The following ABCD2 variants were observed in gnomAD, a reference collection of about 807,000 sequenced individuals.
ABCD2 encodes the protein ATP-binding cassette sub-family D member 2.
ABCD2 carries 36 observed loss-of-function variants against 70.9 expected under a neutral mutation model. That is an observed-to-expected ratio of 0.51 (90% confidence interval 0.39 to 0.67). The LOEUF (loss-of-function observed/expected upper bound fraction) is 0.67. Ranked by LOEUF, ABCD2 falls within the 30% of genes least tolerant of loss-of-function variation. The pLI is 0.00. For synonymous variants in ABCD2, 304 were observed against 306.9 expected, an observed-to-expected ratio of 0.99 and a Z score of 0.10; for missense variants, 729 against 890.2, an observed-to-expected ratio of 0.82 and a Z score of 2.30.
At chr12:39,592,077 T>C (rs1335197982) in intron 6 of ABCD2, among the ~76,000 whole-genome samples, 1 of 152,180 alleles carries the variant, frequency 6.6e-6, no homozygotes, top group Non-Finnish European at 1.5e-5. Flanking sequence ...AAAACTGAAC[T>C]GTACCAACTA....
chr12:39,578,405 C>T (rs1053870018), intron 8 of ABCD2, among the ~76,000 whole-genome samples: 1 of 144,442 alleles, frequency 6.9e-6, no homozygotes, highest in Non-Finnish European at 1.5e-5. Context: ...ACCCGGGAGG[C>T]GGAGCTTGCA....
At chr12:39,576,044 TA>T (rs1419594385) in intron 8 of ABCD2, among the ~76,000 whole-genome samples, 1 of 152,240 alleles carries the variant, frequency 6.6e-6, no homozygotes, top group African/African-American at 2.4e-5. Context: ...TCCACCATAT[TA>T]CATTTCTATG....
chr12:39,564,436 A>C (rs1941310461), intron 9 of ABCD2, among the ~76,000 whole-genome samples: 1 of 152,154 alleles, frequency 6.6e-6, no homozygotes, highest in African/African-American at 2.4e-5. Context: ...TCTTTTGAGA[A>C]GTGTCTGTTC....
Position 39,619,545 on chromosome 12 carries a change from G to A in ABCD2, c.71C>T (p.Ala24Val). ...WTRSSAAKRAACLVAAAYALK... is the reference protein window; with the variant it reads ...WTRSSAAKRAVCLVAAAYALK... The stretch of plus-strand genomic sequence containing the variant: ...AGCATATGCCGCAGCCACCAGGCAG[G>A]CAGCCCTCTTAGCAGCACTCGATCT... Residue 24 changes from alanine to valine, a missense_variant, in exon 1 of 10, where the codon GCC becomes GTC. Coordinates refer to ENST00000308666, the MANE Select transcript of ABCD2 (RefSeq NM_005164.4). The A allele has an allele frequency of 1.2e-6, 2 of 1,611,554 alleles. No individual in the cohort carries two copies. Among genetic ancestry groups the A allele is most frequent in the Middle Eastern group, 1.6e-4 (1 of 6,062 alleles).
At chr12:39,534,900 GAAAGAAAGAA>G in the ABCD2 span, among the ~76,000 whole-genome samples, 3 of 59,658 alleles carry the variant, frequency 5.0e-5, no homozygotes, top group Admixed American at 2.9e-4. Context: ...AAGAAAGAAA[GAAAGAAAGAA>G]AGAAAGAAAG....
intron 9 of ABCD2, among the ~76,000 whole-genome samples, chr12:39,573,219 T>C (rs1397527017): frequency 1.3e-5 from 2 of 152,102 alleles, no homozygotes; most frequent in Admixed American, 6.5e-5. Context: ...TATGGTTTTA[T>C]GAGATATTAG....
At chr12:39,617,903 T>C (rs964620792) in intron 1 of ABCD2, among the ~76,000 whole-genome samples, 1 of 152,322 alleles carries the variant, frequency 6.6e-6, no homozygotes, top group East Asian at 1.9e-4. Flanking sequence ...GTTACCTTCA[T>C]GCACTGTTAG....
intron 9 of ABCD2, among the ~76,000 whole-genome samples, chr12:39,560,658 A>C (rs1941242918): frequency 6.6e-6 from 1 of 152,162 alleles, no homozygotes; most frequent in Non-Finnish European, 1.5e-5. Flanking sequence ...ACATATATAC[A>C]ATATAAAAAG....
chr12:39,600,748 T>C, intron 5 of ABCD2, 32 bp from the exon 6 acceptor site: 1 of 1,546,698 alleles, frequency 6.5e-7, no homozygotes, highest in Non-Finnish European at 8.8e-7. Flanking sequence ...CAAACTGCAA[T>C]AGTTTAAAAT....
intron 8 of ABCD2, among the ~76,000 whole-genome samples, chr12:39,576,088 A>G (rs1397585743): frequency 2.0e-5 from 3 of 152,222 alleles, no homozygotes; most frequent in Non-Finnish European, 4.4e-5. Context: ...CTTATGGCCT[A>G]GACCCAAACA....
chr12:39,572,277 A>T (rs984800071), intron 9 of ABCD2, among the ~76,000 whole-genome samples: 1 of 152,192 alleles, frequency 6.6e-6, no homozygotes, highest in Non-Finnish European at 1.5e-5. Context: ...CATGTGATTA[A>T]TTTGGGAGAA....
rs1942166801 is a variant in ABCD2 at position 39,619,561 on chromosome 12, C to T, written c.55G>A (p.Ala19Thr). 2 of 1,611,286 alleles carry T rather than the reference C, an allele frequency of 1.2e-6. No individual in the cohort carries two copies. Among genetic ancestry groups the T allele is most frequent in the East Asian group, 4.5e-5 (2 of 44,864 alleles). ...ADRVKWTRSS[A>T]AKRAACLVAA... ...ACCAGGCAGGCAGCCCTCTTAGCAGCACTCGATCTGGTCCATTTCACTCGA... is the reference window on the plus strand; with the variant it reads ...ACCAGGCAGGCAGCCCTCTTAGCAGTACTCGATCTGGTCCATTTCACTCGA... The change falls in exon 1 of 10, where the codon GCT becomes ACT. Residue 19 changes from alanine to threonine, a missense_variant. Transcript: ENST00000308666.
chr12:39,535,061 C>A, the ABCD2 span, among the ~76,000 whole-genome samples: 1 of 152,150 alleles, frequency 6.6e-6, no homozygotes, highest in Admixed American at 6.5e-5. Context: ...TCCTTTCTGT[C>A]CTTCCTGGCC....
In ABCD2 at chr12:39,573,833, T is replaced by C; in HGVS notation, c.1886A>G (p.Tyr629Cys). The change falls in exon 9 of 10, where the codon TAT becomes TGT. Residue 629 changes from tyrosine to cysteine, a missense_variant. Transcript: ENST00000308666. ...ACTGGTACATTCATCCAGCAAGGCA[T>C]ATTTTGGTCTTTTAAAAAGTACACA... ...MARMFYHKPK[Y>C]ALLDECTSAV... The C allele has an allele frequency of 6.2e-7, 1 of 1,609,402 alleles. No homozygotes were observed. Among genetic ancestry groups the C allele is most frequent in the Non-Finnish European group, 8.5e-7 (1 of 1,178,004 alleles).
intron 9 of ABCD2, among the ~76,000 whole-genome samples, chr12:39,563,396 C>A (rs1941290408): frequency 6.6e-6 from 1 of 150,818 alleles, no homozygotes; most frequent in Non-Finnish European, 1.5e-5. Flanking sequence ...TGACTCTAAA[C>A]AAACAAACAA....
At chr12:39,588,116 GA>G (rs1941690976) in intron 6 of ABCD2, among the ~76,000 whole-genome samples, 1 of 152,098 alleles carries the variant, frequency 6.6e-6, no homozygotes, top group South Asian at 2.1e-4. Context: ...GGGAAGGCAA[GA>G]GAAAAACTAA....
At chr12:39,563,113 C>G (rs768793616) in intron 9 of ABCD2, among the ~76,000 whole-genome samples, 5 of 152,160 alleles carry the variant, frequency 3.3e-5, no homozygotes, top group Non-Finnish European at 5.9e-5. Context: ...ATTGAACATC[C>G]TTTTATGCTA....
intron 1 of ABCD2, 66 bp downstream of exon 1, chr12:39,618,611 A>G: frequency 1.4e-6 from 2 of 1,430,114 alleles, no homozygotes; most frequent in East Asian, 2.3e-5. Context: ...AACAGATGGT[A>G]TCTGGCACTG....
intron 2 of ABCD2, among the ~76,000 whole-genome samples, chr12:39,614,709 T>TA (rs1223251522): frequency 6.6e-6 from 1 of 152,114 alleles, no homozygotes; most frequent in African/African-American, 2.4e-5. Flanking sequence ...ACTATTATCT[T>TA]AAAAAAATTC....
Sources: gnomAD v4.1 joint callset for allele counts (sites outside exome capture counted in the v4.1 genomes callset) on GRCh38, gnomAD v4.1.1 for gene constraint, MANE v1.5 for transcripts, NCBI Gene and HGNC (gene_info 2026-07-23, HGNC 2026-07-21) for gene names.